Variants in SLCO5A1 observed in about 807,000 individuals in gnomAD.
SLCO5A1 encodes organic anion transporter polypeptide-related protein 4.
A neutral mutation model predicts 65.1 loss-of-function variants in SLCO5A1; 39 were observed. That is an observed-to-expected ratio of 0.60 (90% CI 0.46 to 0.78). The LOEUF (loss-of-function observed/expected upper bound fraction) is 0.78. Among genes scored for constraint, SLCO5A1 ranks in the 30% least tolerant of loss-of-function variants. SLCO5A1 has a pLI of 0.00. For missense variants in SLCO5A1, 1,029 were observed against 1,069.4 expected (o/e 0.96, Z 0.53); for synonymous variants, 438 against 415.7 (o/e 1.05, Z -0.65).
intron 2 of SLCO5A1, among the ~76,000 whole-genome samples, chr8:69,796,489 G>A (rs1412546097): frequency 7.2e-5 from 11 of 151,916 alleles, no homozygotes; most frequent in Non-Finnish European, 1.3e-4. Context: ...GGTGGCATAT[G>A]CCTATAAACC....
chr8:69,737,662 A>G (rs1383597741), intron 5 of SLCO5A1, among the ~76,000 whole-genome samples: 1 of 152,190 alleles, frequency 6.6e-6, no homozygotes, highest in Non-Finnish European at 1.5e-5. Flanking sequence ...TGCTACCATG[A>G]AACTGATCTA....
At chr8:69,700,630 A>G (rs1407975484) in intron 6 of SLCO5A1, 1 of 152,164 alleles carries the variant, frequency 6.6e-6, no homozygotes, top group Non-Finnish European at 1.5e-5. Context: ...TACTAGTAAT[A>G]AAAGGAAGCT....
At chr8:69,702,109 GT>G (rs759138565) in intron 6 of SLCO5A1, among the ~76,000 whole-genome samples, 1 of 152,070 alleles carries the variant, frequency 6.6e-6, no homozygotes, top group African/African-American at 2.4e-5. Context: ...AGACTGCTGG[GT>G]TTTTGTTATG....
chr8:69,773,515 G>A lies in SLCO5A1; in HGVS notation c.908-11640C>T, dbSNP rs369981730. Among the ~76,000 whole-genome samples, 2 of 152,156 alleles carry A rather than the reference G, an allele frequency of 1.3e-5. 1 individual carries two copies. Among genetic ancestry groups the A allele is most frequent in the Non-Finnish European group, 2.9e-5 (2 of 68,028 alleles). The stretch of plus-strand genomic sequence containing the variant: ...TCCAGAGTACCAGAGGCTGTCCAAG[G>A]CCTCTCTGTCCACCTCATTCCTGTT... On this transcript the variant is annotated intron_variant, in intron 2 of 9. Coordinates refer to ENST00000260126, the MANE Select transcript of SLCO5A1 (RefSeq NM_030958.3).
chr8:69,759,793 G>GC (rs1170442838), intron 3 of SLCO5A1, among the ~76,000 whole-genome samples: 1 of 152,154 alleles, frequency 6.6e-6, no homozygotes, highest in Non-Finnish European at 1.5e-5. Flanking sequence ...CTACAGGCAT[G>GC]CGCCACCACA....
intron 2 of SLCO5A1, among the ~76,000 whole-genome samples, chr8:69,807,330 A>G (rs1820036755): frequency 6.6e-6 from 1 of 152,222 alleles, no homozygotes; most frequent in African/African-American, 2.4e-5. Context: ...TATTGCCTCA[A>G]ATATTTATCA....
intron 2 of SLCO5A1, among the ~76,000 whole-genome samples, chr8:69,775,028 T>A (rs1818503472): frequency 6.6e-6 from 1 of 152,338 alleles, no homozygotes; most frequent in Admixed American, 6.5e-5. Flanking sequence ...ATTTTTTTTT[T>A]ATTTTAAGTG....
intron 2 of SLCO5A1, among the ~76,000 whole-genome samples, chr8:69,764,756 T>A (rs1426943784): frequency 1.3e-5 from 2 of 152,148 alleles, no homozygotes; most frequent in Admixed American, 1.3e-4. Context: ...CCGGCATCAT[T>A]AACAACTTAA....
intron 5 of SLCO5A1, among the ~76,000 whole-genome samples, chr8:69,710,596 C>T (rs751196406): frequency 2.0e-4 from 30 of 152,196 alleles, no homozygotes; most frequent in Non-Finnish European, 3.1e-4. Flanking sequence ...AGAATGAAAA[C>T]GTTTTATTCA....
Position 69,680,498 on chromosome 8 carries a change from G to A in SLCO5A1, c.1783-879C>T, listed in dbSNP as rs555062802. On this transcript the variant is annotated intron_variant, in intron 7 of 9. Coordinates refer to ENST00000260126, the MANE Select transcript of SLCO5A1 (RefSeq NM_030958.3). The stretch of plus-strand genomic sequence containing the variant: ...TTTTATGGCTGTGTAGTACTCCATG[G>A]TGTATATTATCACATTTTCTTTATG... Among the ~76,000 whole-genome samples the A allele has an allele frequency of 3.9e-5, 6 of 152,268 alleles. No homozygotes were observed. The South Asian group carries it at 1.2e-3, about 32-fold the overall frequency.
At chr8:69,809,182 A>C (rs533308742) in intron 2 of SLCO5A1, among the ~76,000 whole-genome samples, 1 of 152,324 alleles carries the variant, frequency 6.6e-6, no homozygotes, top group African/African-American at 2.4e-5. Flanking sequence ...TTCCTCCCCC[A>C]AAAAAGTATG....
chr8:69,736,708 A>G (rs76397487), intron 5 of SLCO5A1, among the ~76,000 whole-genome samples: 12,818 of 152,288 alleles, frequency 0.084, 613 homozygotes, highest in African/African-American at 0.098. Context: ...AAAGAATCCT[A>G]CGATACTTTG....
chr8:69,786,524 A>G lies in SLCO5A1; in HGVS notation c.908-24649T>C, dbSNP rs550207750. On this transcript the variant is annotated intron_variant, in intron 2 of 9. Transcript: ENST00000260126. ...GATGTACCAAATTTTCACAAGTGCAATGCATCTTAGCAGCTCATCTAATGG... is the reference window on the plus strand; with the variant it reads ...GATGTACCAAATTTTCACAAGTGCAGTGCATCTTAGCAGCTCATCTAATGG... 3.4e-4 allele frequency among the ~76,000 whole-genome samples: 52 copies of G among 152,362 alleles called. 1 individual carries two copies. In the South Asian group the frequency reaches 9.9e-3, roughly 29 times the overall value.
chr8:69,809,978 C>T (rs746904654), intron 2 of SLCO5A1, among the ~76,000 whole-genome samples: 4 of 152,186 alleles, frequency 2.6e-5, no homozygotes, highest in African/African-American at 9.7e-5. Flanking sequence ...TAACACTGGA[C>T]TATGCCTAAC....
chr8:69,798,696 A>C (rs1819607011), intron 2 of SLCO5A1, among the ~76,000 whole-genome samples: 1 of 152,212 alleles, frequency 6.6e-6, no homozygotes, highest in Non-Finnish European at 1.5e-5. Flanking sequence ...GGGCAGGGAC[A>C]CAGATCCAAG....
intron 2 of SLCO5A1, among the ~76,000 whole-genome samples, chr8:69,806,281 C>CTATATATT (rs1819986841): frequency 6.6e-6 from 1 of 152,134 alleles, no homozygotes. Flanking sequence ...ATTTAAGCAC[C>CTATATATT]CCTCCCCAAA....
chr8:69,704,634 G>A (rs879585494), intron 6 of SLCO5A1, among the ~76,000 whole-genome samples: 30 of 152,196 alleles, frequency 2.0e-4, no homozygotes, highest in Admixed American at 1.8e-3. Flanking sequence ...AGAGCTAGGT[G>A]GATGGAGGAC....
intron 8 of SLCO5A1, among the ~76,000 whole-genome samples, chr8:69,677,619 G>A (rs986110571): frequency 6.6e-6 from 1 of 152,134 alleles, no homozygotes; most frequent in Admixed American, 6.5e-5. Context: ...CTGCACACAG[G>A]TTGTTATTCC....
At chr8:69,777,343 C>T (rs369613540) in intron 2 of SLCO5A1, among the ~76,000 whole-genome samples, 6 of 152,136 alleles carry the variant, frequency 3.9e-5, no homozygotes, top group Middle Eastern at 3.4e-3. Context: ...TTCTAGAAAA[C>T]GTGAACTATC....
Sources: gnomAD v4.1 joint callset for allele counts (sites outside exome capture counted in the v4.1 genomes callset) on GRCh38, gnomAD v4.1.1 for gene constraint, MANE v1.5 for transcripts, NCBI Gene and HGNC (gene_info 2026-07-23, HGNC 2026-07-21) for gene names.